Variants in DCLRE1C observed in about 807,000 individuals in gnomAD.
The protein encoded by DCLRE1C is DNA cross-link repair 1C, also known as protein artemis.
In DCLRE1C, 47 loss-of-function variants were observed where a neutral mutation model predicts 61.4. The ratio of observed to expected loss-of-function variants is 0.77; its 90% CI spans 0.61 to 0.98. DCLRE1C has a LOEUF of 0.98. Ranked by LOEUF, DCLRE1C falls within the 50% of genes least tolerant of loss-of-function variation. The pLI is 0.00. For missense variants in DCLRE1C, 858 were observed against 816.0 expected (o/e 1.05, Z -0.63); for synonymous variants, 337 against 287.6 (o/e 1.17, Z -1.74).
At chr10:14,921,533 A>C (rs531794798) in intron 12 of DCLRE1C, among the ~76,000 whole-genome samples, 163 of 152,010 alleles carry the variant, frequency 1.1e-3, no homozygotes, top group African/African-American at 3.9e-3. Flanking sequence ...CCATTTCCTC[A>C]CTTTTTACCT....
upstream of DCLRE1C, chr10:14,954,217 A>G: frequency 1.3e-6 from 1 of 753,870 alleles, no homozygotes; most frequent in South Asian, 1.7e-5. Flanking sequence ...TTGGGTTTAA[A>G]TCACCCGCGC....
At chr10:14,936,509 T>C (rs765844153) in intron 5 of DCLRE1C, 29 bp downstream of exon 5, 1 of 1,587,918 alleles carries the variant, frequency 6.3e-7, no homozygotes, top group Non-Finnish European at 8.6e-7. Flanking sequence ...CTACATATAA[T>C]AAAATGACAA....
At chr10:14,916,389 A>G (rs890028602) in intron 13 of DCLRE1C, among the ~76,000 whole-genome samples, 27 of 152,368 alleles carry the variant, frequency 1.8e-4, no homozygotes, top group African/African-American at 4.6e-4. Context: ...GCAAGGTTGC[A>G]GGATACAAGA....
At chr10:14,930,442 G>T (rs1013718256) in intron 9 of DCLRE1C, among the ~76,000 whole-genome samples, 1 of 145,272 alleles carries the variant, frequency 6.9e-6, no homozygotes, top group Non-Finnish European at 1.5e-5. Context: ...GGTTTTGTTT[G>T]TTTTTTTTGA....
chr10:14,944,243 T>C (rs1469134966), intron 3 of DCLRE1C, among the ~76,000 whole-genome samples: 1 of 152,160 alleles, frequency 6.6e-6, no homozygotes, highest in Non-Finnish European at 1.5e-5. Context: ...GTGGATCCAC[T>C]TGGAACCAAG....
At chr10:14,914,679 T>G (rs1835868509) in intron 13 of DCLRE1C, among the ~76,000 whole-genome samples, 1 of 152,188 alleles carries the variant, frequency 6.6e-6, no homozygotes, top group Non-Finnish European at 1.5e-5. Context: ...GTGTGGTGGC[T>G]CACGCCTGTA....
chr10:14,908,447 T>G lies in DCLRE1C; in HGVS notation c.2040A>C (p.Ile680=). ...LYEKLATGES[I]AVKKRKCSLL... is the part of the protein sequence containing the mutation. The stretch of plus-strand genomic sequence containing the variant: ...GTGAGCATTTTCTTTTTTTGACTGC[T>G]ATACTCTCACCAGTTGCCAGCTTCT... The change falls in exon 14 of 14, where the codon ATA becomes ATC. Residue 680 remains isoleucine (I), a synonymous_variant. Coordinates refer to ENST00000378278, the MANE Select transcript of DCLRE1C (RefSeq NM_001033855.3). The G allele has an allele frequency of 1.9e-6, 3 of 1,614,114 alleles. No homozygotes were observed. The highest frequency in any genetic ancestry group is 2.5e-6 in the Non-Finnish European group (3 of 1,180,022).
chr10:14,913,212 T>C (rs1835582239), intron 13 of DCLRE1C, among the ~76,000 whole-genome samples: 2 of 152,220 alleles, frequency 1.3e-5, no homozygotes, highest in East Asian at 1.9e-4. Flanking sequence ...AGACAAACCA[T>C]AGATTAGTTG....
In DCLRE1C at chr10:14,916,721, C is replaced by T. The variant is rs565446744; in HGVS notation, c.1156+3017G>A. Among the ~76,000 whole-genome samples, 20 of 152,250 alleles carry T rather than the reference C, an allele frequency of 1.3e-4. 1 individual carries two copies. The South Asian group carries it at 1.9e-3, about 14-fold the overall frequency. On this transcript the variant is annotated intron_variant, in intron 13 of 13. Coordinates refer to ENST00000378278, the MANE Select transcript of DCLRE1C (RefSeq NM_001033855.3). ...AGGGATTGATTTACACAGACTTATA[C>T]GCTGGAAATCATAAAACACTGCTGA...
At chr10:14,912,413 T>C (rs1410722735) in intron 13 of DCLRE1C, among the ~76,000 whole-genome samples, 1 of 152,176 alleles carries the variant, frequency 6.6e-6, no homozygotes, top group Admixed American at 6.5e-5. Context: ...GCCAACTATA[T>C]GACTCCAAAA....
Position 14,909,247 on chromosome 10 carries a change from C to T in DCLRE1C, c.1240G>A (p.Glu414Lys), listed in dbSNP as rs749319265. The T allele has an allele frequency of 6.2e-7, 1 of 1,613,784 alleles. No individual in the cohort carries two copies. Among genetic ancestry groups the T allele is most frequent in the Non-Finnish European group, 8.5e-7 (1 of 1,179,898 alleles). The change falls in exon 14 of 14, where the codon GAG becomes AAG. Residue 414 changes from glutamate to lysine, a missense_variant. By Grantham distance (56) the Glu-to-Lys change is moderately conservative. This residue lies in a region of DCLRE1C where 843 missense variants were observed against 783.5 expected (regional missense o/e 1.08). Transcript: ENST00000378278. Reference protein sequence around the residue: ...KVPYPETFHPEVFSMTAVSEK... With the variant: ...KVPYPETFHPKVFSMTAVSEK... ...GATACTGCAGTCATTGAAAATACCT[C>T]AGGGTGAAAAGTTTCCGGGTATGGA...
intron 13 of DCLRE1C, among the ~76,000 whole-genome samples, chr10:14,913,418 A>T (rs1256148563): frequency 1.3e-5 from 2 of 152,260 alleles, no homozygotes; most frequent in Non-Finnish European, 2.9e-5. Context: ...AGCTTAAAAA[A>T]TAATTTTGTA....
intron 4 of DCLRE1C, 70 bp from the exon 5 acceptor site, chr10:14,936,663 T>G: frequency 9.6e-7 from 1 of 1,045,770 alleles, no homozygotes; most frequent in Non-Finnish European, 1.5e-6. Context: ...AACAAAGCCC[T>G]CCTTCACAGA....
In DCLRE1C at chr10:14,907,378, G is replaced by A. The variant is rs1190174741; in HGVS notation, c.*1030C>T. ...TGAATGTTCCATGTGTACTTCAGGAGATACATTCTGCTAGTTTGGGGTGGT... is the reference window on the plus strand; with the variant it reads ...TGAATGTTCCATGTGTACTTCAGGAAATACATTCTGCTAGTTTGGGGTGGT... On this transcript the variant is annotated 3_prime_UTR_variant, in exon 14 of 14. Coordinates refer to ENST00000378278, the MANE Select transcript of DCLRE1C (RefSeq NM_001033855.3). Among the ~76,000 whole-genome samples the A allele has an allele frequency of 6.6e-6, 1 of 151,322 alleles. No homozygotes were observed. The highest frequency in any genetic ancestry group is 2.4e-5 in the African/African-American group (1 of 41,090).
At position 14,909,288 on chromosome 10, in the gene DCLRE1C, G is replaced by A. The variant is rs114279611; in HGVS notation, c.1199C>T (p.Pro400Leu). The part of the protein sequence containing the change: ...DYLFDDPLPI[P>L]LRHKVPYPET... ...CGGGTATGGAACTTTGTGCCTTAAAGGTATTGGCAGAGGATCATCAAAGAG... is the reference window on the plus strand; with the variant it reads ...CGGGTATGGAACTTTGTGCCTTAAAAGTATTGGCAGAGGATCATCAAAGAG... Residue 400 changes from proline (P) to leucine (L), a missense_variant, in exon 14 of 14, where the codon CCT (proline) becomes CTT (leucine). Pro to Leu is a moderately conservative substitution (Grantham distance 98). Around this residue, in one of 2 missense-constraint regions of DCLRE1C, gnomAD observed 843 missense variants for 783.5 expected, o/e 1.08. Transcript: ENST00000378278. 6.2e-7 allele frequency: 1 copy of A among 1,613,726 alleles called. No homozygotes were observed. Among genetic ancestry groups the A allele is most frequent in the African/African-American group, 1.3e-5 (1 of 74,906 alleles).
chr10:14,953,550 G>T (rs1208313423), intron 1 of DCLRE1C, among the ~76,000 whole-genome samples: 1 of 151,900 alleles, frequency 6.6e-6, no homozygotes, highest in Non-Finnish European at 1.5e-5. Flanking sequence ...TGGTCAAATG[G>T]ATCTGAAACT....
exon 14 of DCLRE1C, chr10:14,897,855 C>T (rs190819738): frequency 2.4e-5 from 4 of 165,730 alleles, no homozygotes; most frequent in African/African-American, 9.5e-5. Context: ...ACACATGCTG[C>T]TTTGAAACTT....
Position 14,928,095 on chromosome 10 carries a change from T to C in DCLRE1C, c.838A>G (p.Ile280Val). 2.5e-6 allele frequency: 4 copies of C among 1,613,756 alleles called. No homozygotes were observed. The highest frequency in any genetic ancestry group is 2.5e-6 in the Non-Finnish European group (3 of 1,179,806). ...TTAATGCTGATTATGTGGAGTGGAA[T>C]TCTATTTCTGGAAGTAATTCCACAG... ...LPCGITSRNR[I>V]PLHIISIKPS... The change falls in exon 10 of 14, where the codon ATT becomes GTT. Residue 280 changes from isoleucine (I) to valine (V), a missense_variant. Ile to Val is a conservative substitution (Grantham distance 29). Transcript: ENST00000378278.
intron 3 of DCLRE1C, among the ~76,000 whole-genome samples, chr10:14,944,864 A>G (rs1841436383): frequency 6.6e-6 from 1 of 151,718 alleles, no homozygotes; most frequent in African/African-American, 2.4e-5. Context: ...TAGTAGAGAC[A>G]GGGTTTTACC....
Sources: allele counts gnomAD v4.1 joint callset (sites outside exome capture counted in the v4.1 genomes callset), GRCh38; gene constraint gnomAD v4.1.1; regional missense constraint gnomAD v4.1.1; transcripts MANE v1.5; gene names NCBI Gene and HGNC (gene_info 2026-07-23, HGNC 2026-07-21).